Variants in PDE5A observed in about 807,000 individuals in gnomAD.
PDE5A encodes phosphodiesterase 5A.
Under a neutral mutation model 110.2 loss-of-function variants are expected in PDE5A, and 67 were observed. The ratio of observed to expected loss-of-function variants is 0.61; its 90% CI spans 0.50 to 0.75. The LOEUF (loss-of-function observed/expected upper bound fraction) is 0.75. Ranked by LOEUF, PDE5A falls within the 30% of genes least tolerant of loss-of-function variation. PDE5A has a pLI of 0.00. For missense variants in PDE5A, 862 were observed against 1,045.1 expected, an observed-to-expected ratio of 0.82 and a Z score of 2.42; for synonymous variants, 328 against 351.2, an observed-to-expected ratio of 0.93 and a Z score of 0.74.
intron 9 of PDE5A, among the ~76,000 whole-genome samples, chr4:119,546,148 A>C (rs1242893239): frequency 6.6e-6 from 1 of 152,146 alleles, no homozygotes; most frequent in Non-Finnish European, 1.5e-5. Flanking sequence ...GAGTCTTATA[A>C]CATCTGAAGA....
In PDE5A at chr4:119,511,104, G is replaced by A; in HGVS notation, c.2031C>T (p.Cys677=). ...RSEHPLAQLY[C]HSIMEHHHFD... is the part of the protein sequence containing the mutation. ...AATGATGGTGTTCCATGATTGAATG[G>A]CAGTAAAGCTGGGCAAGTGGATGTT... The change falls in exon 15 of 21, where the codon TGC becomes TGT. Residue 677 remains cysteine, a synonymous_variant. Coordinates refer to ENST00000354960, the MANE Select transcript of PDE5A (RefSeq NM_001083.4). 5 of 1,610,012 alleles carry A rather than the reference G, an allele frequency of 3.1e-6. No homozygotes were observed. Among genetic ancestry groups the A allele is most frequent in the Non-Finnish European group, 4.2e-6 (5 of 1,176,906 alleles).
intron 9 of PDE5A, chr4:119,548,060 T>TTC (rs1322820167): frequency 6.9e-6 from 1 of 145,842 alleles, no homozygotes; most frequent in African/African-American, 2.5e-5. Flanking sequence ...TTTTTTTTTT[T>TTC]TTTTTTGAGA....
intron 9 of PDE5A, among the ~76,000 whole-genome samples, chr4:119,545,017 A>AAAC (rs71595402): frequency 0.26 from 39,602 of 151,654 alleles, 5,263 homozygotes; most frequent in East Asian, 0.38. Flanking sequence ...GCTCTGGGGA[A>AAAC]AACAACAACA....
At chr4:119,589,500 G>T (rs957788078) in intron 3 of PDE5A, among the ~76,000 whole-genome samples, 1 of 152,282 alleles carries the variant, frequency 6.6e-6, no homozygotes, top group African/African-American at 2.4e-5. Flanking sequence ...TCTGGTTATA[G>T]AAATAATTAA....
chr4:119,548,184 G>T lies in PDE5A; in HGVS notation c.1396+4366C>A, dbSNP rs1172727226. The T allele has an allele frequency of 3.3e-5, 5 of 151,810 alleles. No individual in the cohort carries two copies. In the East Asian group the frequency reaches 9.8e-4, roughly 30 times the overall value. The allele number at this position is 151,810 out of a possible 1,614,324, so 9.4% of individuals were successfully genotyped here. ...CTGCCTCAGCCTCCCGAGTAGCTGG[G>T]ACTACAGGCACCCGCCACCGCGCCC... On this transcript the variant is annotated intron_variant, in intron 9 of 20. Transcript: ENST00000354960.
chr4:119,554,364 G>T (rs1040587018), intron 7 of PDE5A, among the ~76,000 whole-genome samples: 3 of 152,056 alleles, frequency 2.0e-5, no homozygotes, highest in East Asian at 3.9e-4. Flanking sequence ...TCTTCCTCAA[G>T]AAATTTTTAT....
intron 13 of PDE5A, among the ~76,000 whole-genome samples, chr4:119,520,497 C>T (rs1726084650): frequency 6.6e-6 from 1 of 151,970 alleles, no homozygotes. Context: ...ACTGAGTGCT[C>T]CAGAGAAAAT....
intron 6 of PDE5A, among the ~76,000 whole-genome samples, chr4:119,562,113 A>G (rs1464622215): frequency 6.6e-6 from 1 of 152,246 alleles, no homozygotes; most frequent in Non-Finnish European, 1.5e-5. Context: ...ACAGTGGTTC[A>G]TAGGTTGAGA....
At chr4:119,574,339 C>T (rs931283331) in intron 3 of PDE5A, among the ~76,000 whole-genome samples, 5 of 142,698 alleles carry the variant, frequency 3.5e-5, no homozygotes, top group African/African-American at 5.2e-5. Context: ...CCCGCCACCA[C>T]GCCCCGGCTA....
intron 7 of PDE5A, among the ~76,000 whole-genome samples, chr4:119,557,837 T>G (rs771192630): frequency 6.6e-6 from 1 of 152,330 alleles, no homozygotes; most frequent in South Asian, 2.1e-4. Flanking sequence ...TTCTACACTG[T>G]ATCCACAATT....
chr4:119,530,943 C>T (rs1161620157), intron 11 of PDE5A, among the ~76,000 whole-genome samples: 3 of 152,022 alleles, frequency 2.0e-5, no homozygotes, highest in African/African-American at 7.2e-5. Flanking sequence ...CTTCTTTCAT[C>T]TGCACAACAA....
intron 3 of PDE5A, among the ~76,000 whole-genome samples, chr4:119,570,584 C>T (rs529885252): frequency 1.2e-4 from 18 of 152,158 alleles, no homozygotes; most frequent in African/African-American, 3.1e-4. Flanking sequence ...TCTCACTGGG[C>T]GAGCAGTATG....
In PDE5A at chr4:119,553,675, A is replaced by C. The variant is rs199921025; in HGVS notation, c.1271T>G (p.Ile424Ser). The C allele has an allele frequency of 1.2e-4, 195 of 1,593,078 alleles. No homozygotes were observed. The highest frequency in any genetic ancestry group is 1.6e-4 in the Non-Finnish European group (182 of 1,161,190). ...TCTTTTATCCTTACTGACATCTGGG[A>C]TATTAAGTGGTTCCATAGTATTTTT... ...YVKNTMEPLN[I>S]PDVSKDKRFP... The change falls in exon 8 of 21, where the codon ATC (isoleucine) becomes AGC (serine). Residue 424 changes from isoleucine to serine, a missense_variant. Physicochemically the swap from Ile to Ser is moderately radical, Grantham distance 142 (BLOSUM62 -2). Transcript: ENST00000354960.
chr4:119,611,063 A>C (rs1158765958), intron 1 of PDE5A, among the ~76,000 whole-genome samples: 3 of 152,198 alleles, frequency 2.0e-5, no homozygotes, highest in African/African-American at 7.2e-5. Flanking sequence ...CTCCTGAAGC[A>C]CACCAAGCAC....
intron 1 of PDE5A, among the ~76,000 whole-genome samples, chr4:119,618,430 A>C (rs1730018054): frequency 6.6e-6 from 1 of 152,148 alleles, no homozygotes. Context: ...TTTCATATTA[A>C]AATAAAAGAG....
At chr4:119,616,494 T>C (rs905204861) in intron 1 of PDE5A, among the ~76,000 whole-genome samples, 2 of 152,192 alleles carry the variant, frequency 1.3e-5, no homozygotes, top group Non-Finnish European at 2.9e-5. Context: ...AAACTGCTTA[T>C]AAAATAATGA....
At chr4:119,513,077 C>T (rs1173869126) in intron 14 of PDE5A, 1 of 152,120 alleles carries the variant, frequency 6.6e-6, no homozygotes, top group Non-Finnish European at 1.5e-5. Context: ...ACCTCTTACT[C>T]ATCCACTGAT....
chr4:119,513,793 G>A (rs1725824040), intron 14 of PDE5A, among the ~76,000 whole-genome samples: 1 of 152,196 alleles, frequency 6.6e-6, no homozygotes, highest in African/African-American at 2.4e-5. Context: ...ACACAAACAA[G>A]TTAGAACTTC....
At position 119,501,212 on chromosome 4, in the gene PDE5A, C is replaced by T. The variant is rs773951518; in HGVS notation, c.2448G>A (p.Met816Ile). 3.7e-6 allele frequency: 6 copies of T among 1,612,454 alleles called. No individual in the cohort carries two copies. Among genetic ancestry groups the T allele is most frequent in the Non-Finnish European group, 5.1e-6 (6 of 1,178,612 alleles). Residue 816 changes from methionine (M) to isoleucine (I), a missense_variant, in exon 20 of 21, where the codon ATG becomes ATA. Physicochemically the swap from Met to Ile is conservative, Grantham distance 10 (BLOSUM62 1). Coordinates refer to ENST00000354960, the MANE Select transcript of PDE5A (RefSeq NM_001083.4). ...AGATGGCATCTATGAACCCAACTTG[C>T]ATACTTGGGATTTTGTTTTTCTTCT... Reference protein sequence around the residue: ...NREKKNKIPSMQVGFIDAICL... With the variant: ...NREKKNKIPSIQVGFIDAICL...
Sources: allele counts gnomAD v4.1 joint callset (sites outside exome capture counted in the v4.1 genomes callset), GRCh38; gene constraint gnomAD v4.1.1; transcripts MANE v1.5; gene names NCBI Gene and HGNC (gene_info 2026-07-23, HGNC 2026-07-21).